OPCML: variants seen among roughly 807,000 people sequenced by gnomAD.
The protein encoded by OPCML is opioid binding protein/cell adhesion molecule like, also known as opioid-binding protein/cell adhesion molecule.
Under a neutral mutation model 37.8 loss-of-function variants are expected in OPCML, and 13 were observed. The observed-to-expected ratio is 0.34, with a 90% confidence interval of 0.22 to 0.55. The LOEUF (loss-of-function observed/expected upper bound fraction) is 0.55, where lower values mean the gene tolerates loss of function less well. Among genes scored for constraint, OPCML ranks in the 20% least tolerant of loss-of-function variants. OPCML has a pLI of 0.91. For missense variants in OPCML, 341 were observed against 435.6 expected, an observed-to-expected ratio of 0.78 and a Z score of 1.93; for synonymous variants, 176 against 168.8, an observed-to-expected ratio of 1.04 and a Z score of -0.33.
At chr11:132,830,693 G>A (rs562185893) in intron 2 of OPCML, among the ~76,000 whole-genome samples, 1 of 152,352 alleles carries the variant, frequency 6.6e-6, no homozygotes, top group East Asian at 1.9e-4. Flanking sequence ...ACCAGGAGGA[G>A]CAGAGGTTTA....
chr11:132,856,972 C>T (rs1359974595), intron 2 of OPCML, among the ~76,000 whole-genome samples: 3 of 152,204 alleles, frequency 2.0e-5, no homozygotes, highest in Non-Finnish European at 4.4e-5. Context: ...CTAAAACTTG[C>T]CTCAATCTCT....
chr11:132,613,350 T>G (rs2575892), intron 3 of OPCML, among the ~76,000 whole-genome samples: 2 of 152,174 alleles, frequency 1.3e-5, no homozygotes, highest in South Asian at 2.1e-4. Context: ...ACATCCTCAC[T>G]GAACTTTAAA....
At chr11:133,423,371 G>A (rs149472892) in intron 1 of OPCML, 63 of 985,258 alleles carry the variant, frequency 6.4e-5, no homozygotes, top group Non-Finnish European at 6.9e-5. Context: ...AACTGAGAGT[G>A]GACAGTAACT....
At chr11:133,378,606 G>A (rs1468980577) in intron 1 of OPCML, among the ~76,000 whole-genome samples, 8 of 152,222 alleles carry the variant, frequency 5.3e-5, no homozygotes, top group South Asian at 2.1e-4. Flanking sequence ...AGCAGCTGAC[G>A]TATTTTTAAT....
chr11:132,683,966 C>A (rs191243484), intron 2 of OPCML, among the ~76,000 whole-genome samples: 1 of 152,186 alleles, frequency 6.6e-6, no homozygotes, highest in Non-Finnish European at 1.5e-5. Flanking sequence ...CCGAGATGTC[C>A]CTTTCTGAAT....
chr11:133,373,566 A>G (rs938254398), intron 1 of OPCML, among the ~76,000 whole-genome samples: 12 of 150,952 alleles, frequency 7.9e-5, no homozygotes, highest in Admixed American at 1.3e-4. Flanking sequence ...TGGAGGTTGC[A>G]GTGAGCTGTG....
intron 2 of OPCML, among the ~76,000 whole-genome samples, chr11:132,799,188 C>T (rs1014566238): frequency 5.3e-5 from 8 of 152,146 alleles, no homozygotes; most frequent in African/African-American, 1.4e-4. Context: ...GCATCTTCTT[C>T]CAATACAAAG....
At chr11:132,702,697 A>G (rs1208610322) in intron 2 of OPCML, among the ~76,000 whole-genome samples, 1 of 152,012 alleles carries the variant, frequency 6.6e-6, no homozygotes, top group Admixed American at 6.6e-5. Flanking sequence ...CTATAATGCT[A>G]CATATTGGCT....
intron 1 of OPCML, among the ~76,000 whole-genome samples, chr11:132,972,081 C>G (rs1946355082): frequency 6.6e-6 from 1 of 152,146 alleles, no homozygotes; most frequent in Non-Finnish European, 1.5e-5. Flanking sequence ...CTTGTTGGTG[C>G]TGGTCACACA....
At chr11:132,582,339 C>G (rs1261135300) in intron 3 of OPCML, among the ~76,000 whole-genome samples, 1 of 151,658 alleles carries the variant, frequency 6.6e-6, no homozygotes, top group Non-Finnish European at 1.5e-5. Context: ...GAAGGTCAAA[C>G]AATAGACTTG....
chr11:132,654,980 C>T (rs1941633417), intron 3 of OPCML, among the ~76,000 whole-genome samples: 1 of 152,172 alleles, frequency 6.6e-6, no homozygotes, highest in South Asian at 2.1e-4. Context: ...TTTTTCTGAC[C>T]TGAAGCTTGG....
At chr11:132,628,737 C>A (rs1207339062) in intron 3 of OPCML, among the ~76,000 whole-genome samples, 5 of 152,024 alleles carry the variant, frequency 3.3e-5, no homozygotes, top group Admixed American at 3.3e-4. Flanking sequence ...TGGGAGGGAC[C>A]CAGTGGGAGG....
At chr11:133,207,269 C>T (rs1447878370) in intron 1 of OPCML, among the ~76,000 whole-genome samples, 1 of 152,064 alleles carries the variant, frequency 6.6e-6, no homozygotes, top group Non-Finnish European at 1.5e-5. Context: ...CACTGCCCTC[C>T]AGCCTGGGCG....
intron 2 of OPCML, among the ~76,000 whole-genome samples, chr11:132,758,917 G>C (rs952046858): frequency 6.6e-6 from 1 of 152,134 alleles, no homozygotes; most frequent in African/African-American, 2.4e-5. Context: ...TGCCCATTCA[G>C]TATGATATTG....
intron 2 of OPCML, among the ~76,000 whole-genome samples, chr11:132,792,897 C>A (rs893772645): frequency 3.3e-5 from 5 of 152,204 alleles, no homozygotes; most frequent in Non-Finnish European, 4.4e-5. Context: ...TAATCCCTAC[C>A]TGATAATGTG....
chr11:133,015,451 G>T (rs868004039), intron 1 of OPCML, among the ~76,000 whole-genome samples: 3 of 124,734 alleles, frequency 2.4e-5, no homozygotes, highest in East Asian at 5.0e-4. Context: ...AAGGAAGGAA[G>T]GAATGAAGGA....
intron 4 of OPCML, among the ~76,000 whole-genome samples, chr11:132,437,662 A>C (rs762385415): frequency 6.6e-6 from 1 of 152,244 alleles, no homozygotes; most frequent in Non-Finnish European, 1.5e-5. Flanking sequence ...CTCAGAGATG[A>C]CATGATAAAT....
chr11:132,739,049 G>A (rs901953265), intron 2 of OPCML, among the ~76,000 whole-genome samples: 5 of 152,130 alleles, frequency 3.3e-5, no homozygotes, highest in South Asian at 2.1e-4. Context: ...TTAATAACCC[G>A]AGATAACTCG....
At chr11:133,006,303 TC>T in intron 1 of OPCML, 1 of 529,200 alleles carries the variant, frequency 1.9e-6, no homozygotes. Context: ...ATTCCCTGTT[TC>T]CCTTTTTCTT....
Sources: gnomAD v4.1 joint callset for allele counts (sites outside exome capture counted in the v4.1 genomes callset) on GRCh38, gnomAD v4.1.1 for gene constraint, MANE v1.5 for transcripts, NCBI Gene and HGNC (gene_info 2026-07-23, HGNC 2026-07-21) for gene names.